The following OR9Q1 variants were observed in gnomAD, a reference collection of about 807,000 sequenced individuals.
OR9Q1 encodes the protein olfactory receptor family 9 subfamily Q member 1, also known as olfactory receptor 9Q1.
For synonymous variants in OR9Q1, 153 were observed against 148.6 expected, an observed-to-expected ratio of 1.03 and a Z score of -0.22; for missense variants, 374 against 378.8, an observed-to-expected ratio of 0.99 and a Z score of 0.11.
intron 2 of OR9Q1, among the ~76,000 whole-genome samples, chr11:58,154,319 C>T (rs1854384642): frequency 2.0e-5 from 3 of 151,822 alleles, no homozygotes; most frequent in African/African-American, 4.8e-5. Context: ...CTTCTGCAGG[C>T]TGCCTTATCC....
At chr11:58,087,494 G>A (rs1463029656) in intron 2 of OR9Q1, among the ~76,000 whole-genome samples, 1 of 151,772 alleles carries the variant, frequency 6.6e-6, no homozygotes, top group Non-Finnish European at 1.5e-5. Context: ...TCATCATAGA[G>A]GTATTTAATA....
At chr11:58,101,214 C>A (rs1853780504) in intron 2 of OR9Q1, among the ~76,000 whole-genome samples, 1 of 151,908 alleles carries the variant, frequency 6.6e-6, no homozygotes, top group African/African-American at 2.4e-5. Context: ...AATCTTTATA[C>A]TGTTTTCCAT....
At chr11:58,102,779 G>C (rs2441969) in intron 2 of OR9Q1, among the ~76,000 whole-genome samples, 142,823 of 152,164 alleles carry the variant, frequency 0.94, 67,175 homozygotes, top group South Asian at 0.97. Context: ...GACTTTTAAA[G>C]TTCCTGGATC....
At chr11:58,027,018 G>A (rs1166277453) in intron 1 of OR9Q1, among the ~76,000 whole-genome samples, 3 of 152,260 alleles carry the variant, frequency 2.0e-5, no homozygotes, top group South Asian at 2.1e-4. Flanking sequence ...AACTGATGGC[G>A]ATTCAAGCAT....
intron 2 of OR9Q1, among the ~76,000 whole-genome samples, chr11:58,173,401 C>T (rs946695845): frequency 6.7e-6 from 1 of 150,286 alleles, no homozygotes; most frequent in Non-Finnish European, 1.5e-5. Flanking sequence ...GTTTTTTGTC[C>T]TTGTGATAGT....
intron 2 of OR9Q1, among the ~76,000 whole-genome samples, chr11:58,162,844 G>A (rs1474300858): frequency 2.6e-5 from 4 of 152,072 alleles, no homozygotes; most frequent in African/African-American, 4.8e-5. Context: ...ACATATTCTC[G>A]GATCTTCGCA....
chr11:58,027,380 T>C (rs939570251), intron 1 of OR9Q1, among the ~76,000 whole-genome samples: 1 of 152,162 alleles, frequency 6.6e-6, no homozygotes, highest in Non-Finnish European at 1.5e-5. Flanking sequence ...AGGGCAGGGA[T>C]TGGCAAATTA....
chr11:58,028,987 A>G (rs144454184), intron 1 of OR9Q1, among the ~76,000 whole-genome samples: 176 of 152,302 alleles, frequency 1.2e-3, no homozygotes, highest in African/African-American at 3.9e-3. Context: ...GCAAAACACT[A>G]TTTCTTTTTC....
chr11:58,175,824 G>A (rs1445610198), intron 2 of OR9Q1, among the ~76,000 whole-genome samples: 3 of 144,694 alleles, frequency 2.1e-5, no homozygotes, highest in Non-Finnish European at 3.0e-5. Context: ...TTTTTTTTTT[G>A]AATTGAGACA....
intron 2 of OR9Q1, among the ~76,000 whole-genome samples, chr11:58,114,468 C>T (rs1853932013): frequency 6.6e-6 from 1 of 152,118 alleles, no homozygotes; most frequent in Admixed American, 6.6e-5. Flanking sequence ...TATGACAGGG[C>T]TTCCAACTTC....
chr11:58,147,798 G>T (rs1854313209), intron 2 of OR9Q1, among the ~76,000 whole-genome samples: 1 of 152,136 alleles, frequency 6.6e-6, no homozygotes, highest in African/African-American at 2.4e-5. Context: ...ATTACCTAAT[G>T]TGTGTCAGAT....
chr11:58,170,321 A>G lies in OR9Q1; in HGVS notation c.-14-9110A>G, dbSNP rs79857852. Reference sequence around the variant, plus strand: ...TCCTCTGAACTCCTCTCCAGCCTACACATAACATTTTTTTTCAAGGAAGAA... The same window carrying G: ...TCCTCTGAACTCCTCTCCAGCCTACGCATAACATTTTTTTTCAAGGAAGAA... On this transcript the variant is annotated intron_variant, in intron 2 of 2. Coordinates refer to ENST00000335397, the MANE Select transcript of OR9Q1 (RefSeq NM_001005212.4). Among the ~76,000 whole-genome samples, 31 of 143,434 alleles carry G rather than the reference A, an allele frequency of 2.2e-4. No individual in the cohort carries two copies. The East Asian group carries it at 5.7e-3, about 26-fold the overall frequency. The allele number at this position is 143,434 out of a possible 152,430, so 94.1% of individuals were successfully genotyped here. A position where few individuals can be genotyped will look rare whatever the true frequency, so the allele number is the denominator to read the frequency against.
intron 2 of OR9Q1, among the ~76,000 whole-genome samples, chr11:58,110,226 T>G (rs190489343): frequency 6.0e-4 from 92 of 152,298 alleles, no homozygotes; most frequent in Non-Finnish European, 3.5e-4. Flanking sequence ...TACACATTAG[T>G]ATTATGCTTG....
At chr11:58,130,382 T>G (rs971206475) in intron 2 of OR9Q1, among the ~76,000 whole-genome samples, 4 of 152,202 alleles carry the variant, frequency 2.6e-5, no homozygotes, top group African/African-American at 9.7e-5. Context: ...GAAAGAAAAT[T>G]ATAATATTCA....
chr11:58,079,879 C>G (rs1317766071), intron 2 of OR9Q1, among the ~76,000 whole-genome samples: 1 of 152,154 alleles, frequency 6.6e-6, no homozygotes, highest in East Asian at 1.9e-4. Flanking sequence ...ACCAGAACTG[C>G]CCAGCTGAGC....
intron 2 of OR9Q1, among the ~76,000 whole-genome samples, chr11:58,076,178 T>A (rs531286198): frequency 2.0e-5 from 3 of 152,360 alleles, no homozygotes; most frequent in Admixed American, 6.5e-5. Flanking sequence ...AGTTTACAAG[T>A]AATTTTTTGT....
chr11:58,069,269 C>T (rs912104159), intron 2 of OR9Q1, among the ~76,000 whole-genome samples: 21 of 152,254 alleles, frequency 1.4e-4, no homozygotes, highest in African/African-American at 3.4e-4. Flanking sequence ...GGGCCAGTCT[C>T]GTAGCCTCTA....
chr11:58,034,809 C>T (rs1217097006), intron 1 of OR9Q1, among the ~76,000 whole-genome samples: 28 of 140,682 alleles, frequency 2.0e-4, no homozygotes, highest in Non-Finnish European at 3.7e-4. Flanking sequence ...TTCCTTCCTT[C>T]CTTCCTTCCT....
intron 2 of OR9Q1, among the ~76,000 whole-genome samples, chr11:58,120,803 C>CAT (rs61634454): frequency 0.073 from 9,717 of 132,512 alleles, 446 homozygotes; most frequent in East Asian, 0.13. Flanking sequence ...ATTTCAATAC[C>CAT]ATATATATAT....
Sources: allele counts gnomAD v4.1 joint callset (sites outside exome capture counted in the v4.1 genomes callset), GRCh38; gene constraint gnomAD v4.1.1; transcripts MANE v1.5; gene names NCBI Gene and HGNC (gene_info 2026-07-23, HGNC 2026-07-21).